The following ACAT1 variants were observed in gnomAD, a reference collection of about 807,000 sequenced individuals.
ACAT1 encodes acetyl-CoA acetyltransferase 1.
A neutral mutation model predicts 47.3 loss-of-function variants in ACAT1; 28 were observed. That is an observed-to-expected ratio of 0.59 (90% confidence interval 0.44 to 0.81). The LOEUF (loss-of-function observed/expected upper bound fraction) is 0.81. Among genes scored for constraint, ACAT1 ranks in the 30% least tolerant of loss-of-function variants. The pLI is 0.00. For synonymous variants in ACAT1, 181 were observed against 173.6 expected (o/e 1.04, Z -0.34); for missense variants, 469 against 524.3 (o/e 0.89, Z 1.03).
chr11:108,143,963 C>CAA lies in ACAT1; in HGVS notation c.941-20_941-19insAA. The CAA allele has an allele frequency of 8.2e-7, 1 of 1,216,684 alleles. No individual in the cohort carries two copies. Among genetic ancestry groups the CAA allele is most frequent in the Non-Finnish European group, 1.2e-6 (1 of 859,226 alleles). 75.4% of individuals were successfully genotyped at this position (1,216,684 alleles called of 1,614,324 possible). A position where few individuals can be genotyped will look rare whatever the true frequency, so the allele number is the denominator to read the frequency against. ...AAAAAAAAAGATTTTAACAACCCCC[C>CAA]CCCCCCTTTTTTTAAACAGCATTTG... On this transcript the variant is annotated intron_variant, in intron 9 of 11. Transcript: ENST00000265838.
chr11:108,119,350 C>T (rs986966171), upstream of ACAT1, among the ~76,000 whole-genome samples: 1 of 152,012 alleles, frequency 6.6e-6, no homozygotes, highest in Non-Finnish European at 1.5e-5. Flanking sequence ...ATCACAGGTG[C>T]CCACTACCAT....
chr11:108,126,791 CTTTTT>C (rs766192283), intron 1 of ACAT1, among the ~76,000 whole-genome samples: 3 of 114,562 alleles, frequency 2.6e-5, no homozygotes, highest in Non-Finnish European at 5.2e-5. Flanking sequence ...AACAGGTTTT[CTTTTT>C]TTTTTTTTTT....
rs5794588 is a variant in ACAT1, at chr11:108,143,957, ACC to A, written c.941-15_941-14del. On this transcript the variant is annotated intron_variant, in intron 9 of 11. Coordinates refer to ENST00000265838, the MANE Select transcript of ACAT1 (RefSeq NM_000019.4). ...CAGTAAAAAAAAAAAGATTTTAACA[ACC>A]CCCCCCCCCCTTTTTTTAAACAGCA... 169,415 of 848,136 alleles carry A rather than the reference ACC, an allele frequency of 0.2. 2,835 individuals are homozygous for A. Among genetic ancestry groups the A allele is most frequent in the East Asian group, 0.29 (7,155 of 24,684 alleles). 52.5% of individuals were successfully genotyped at this position (848,136 alleles called of 1,614,324 possible).
intron 10 of ACAT1, 133 bp downstream of exon 10, chr11:108,144,180 C>A: frequency 2.1e-6 from 2 of 973,676 alleles, no homozygotes; most frequent in Non-Finnish European, 3.2e-6. Context: ...CTTCCCATGT[C>A]TTCTCCTGAA....
At chr11:108,135,955 C>G in intron 5 of ACAT1, 2 of 446,792 alleles carry the variant, frequency 4.5e-6, no homozygotes, top group Non-Finnish European at 7.9e-6. Context: ...GTGCTTAACC[C>G]TGGGAATCAA....
intron 6 of ACAT1, among the ~76,000 whole-genome samples, chr11:108,139,432 A>C (rs35422249): frequency 0.28 from 42,848 of 151,630 alleles, 6,528 homozygotes; most frequent in East Asian, 0.5. Flanking sequence ...CTCTATTAAA[A>C]ATACAAAAAA....
chr11:108,119,939 C>T (rs568018448), upstream of ACAT1, among the ~76,000 whole-genome samples: 2 of 152,156 alleles, frequency 1.3e-5, no homozygotes, highest in Non-Finnish European at 1.5e-5. Context: ...ACCCTGGCCG[C>T]GTGCAGTGGC....
chr11:108,136,130 GAC>G (rs2077463979), intron 5 of ACAT1: 2 of 674,528 alleles, frequency 3.0e-6, no homozygotes. Flanking sequence ...GTGAGACCTG[GAC>G]ACACAGAAGA....
rs934040917 is a variant in ACAT1, at chr11:108,142,823, C to T, written c.940+273C>T. 2.7e-5 allele frequency: 11 copies of T among 412,560 alleles called. No individual in the cohort carries two copies. In the Admixed American group the frequency reaches 3.2e-4, roughly 12 times the overall value. 25.6% of individuals were successfully genotyped at this position (412,560 alleles called of 1,614,324 possible). A position where few individuals can be genotyped will look rare whatever the true frequency, so the allele number is the denominator to read the frequency against. ...CTGCACTCCAGCCTGGGTGACAGAGCGAGACCCTGTCTTAAAAAAAAATAA... is the reference window on the plus strand; with the variant it reads ...CTGCACTCCAGCCTGGGTGACAGAGTGAGACCCTGTCTTAAAAAAAAATAA... On this transcript the variant is annotated intron_variant, in intron 9 of 11. Coordinates refer to ENST00000265838, the MANE Select transcript of ACAT1 (RefSeq NM_000019.4).
intron 9 of ACAT1, chr11:108,143,766 G>C (rs1361629541): frequency 4.8e-6 from 2 of 418,142 alleles, no homozygotes; most frequent in African/African-American, 4.1e-5. Context: ...TGTTCCTAGA[G>C]GCAAATACCC....
At chr11:108,130,556 GCTAA>G (rs1373304089) in intron 1 of ACAT1, among the ~76,000 whole-genome samples, 25 of 151,854 alleles carry the variant, frequency 1.6e-4, no homozygotes, top group Admixed American at 1.2e-3. Context: ...ACCACACCCA[GCTAA>G]CTTTTATATT....
intron 6 of ACAT1, 85 bp from the exon 7 acceptor site, chr11:108,139,980 A>G (rs894410986): frequency 6.8e-7 from 1 of 1,473,824 alleles, no homozygotes; most frequent in Non-Finnish European, 9.3e-7. Context: ...AACGTTAACT[A>G]TTAAACACTA....
chr11:108,117,747 T>C (rs1000218725), upstream of ACAT1, among the ~76,000 whole-genome samples: 4 of 152,220 alleles, frequency 2.6e-5, no homozygotes, highest in African/African-American at 9.6e-5. Flanking sequence ...ATCAAACATC[T>C]TTGTATTATA....
intron 8 of ACAT1, among the ~76,000 whole-genome samples, chr11:108,142,214 T>C (rs1222193368): frequency 6.6e-6 from 1 of 152,228 alleles, no homozygotes; most frequent in Non-Finnish European, 1.5e-5. Flanking sequence ...CCATCATGCA[T>C]GTTTGTGATG....
At position 108,141,646 on chromosome 11, in the gene ACAT1, C is replaced by T. The variant is rs753816946; in HGVS notation, c.772C>T (p.Arg258Cys). Residue 258 changes from arginine to cysteine, a missense_variant, in exon 8 of 12, where the codon CGT becomes TGT. Physicochemically the swap from Arg to Cys is radical, Grantham distance 180 (BLOSUM62 -3). Coordinates refer to ENST00000265838, the MANE Select transcript of ACAT1 (RefSeq NM_000019.4). ...VVVKEDEEYK[R>C]VDFSKVPKLK... The stretch of plus-strand genomic sequence containing the variant: ...GGTGAAAGAAGATGAAGAATATAAA[C>T]GTGTTGATTTTAGCAAAGTTCCAAA... 169 of 1,613,314 alleles carry T rather than the reference C, an allele frequency of 1.0e-4. 2 individuals are homozygous for T. The East Asian group carries it at 2.8e-3, about 27-fold the overall frequency.
At chr11:108,128,160 A>G (rs1380671651) in intron 1 of ACAT1, among the ~76,000 whole-genome samples, 7 of 152,250 alleles carry the variant, frequency 4.6e-5, no homozygotes, top group African/African-American at 1.7e-4. Flanking sequence ...GACATTGCTG[A>G]TGTTGCTCAG....
In ACAT1 at chr11:108,135,689, G is replaced by A. The variant is rs776679430; in HGVS notation, c.435+447G>A. Among the ~76,000 whole-genome samples, 7 of 152,108 alleles carry A rather than the reference G, an allele frequency of 4.6e-5. No homozygotes were observed. In the South Asian group the frequency reaches 8.3e-4, roughly 18 times the overall value. On this transcript the variant is annotated intron_variant, in intron 5 of 11. Coordinates refer to ENST00000265838, the MANE Select transcript of ACAT1 (RefSeq NM_000019.4). ...CTAAAAATACAAAAATTAGCTGGGC[G>A]TGGTGGCAGGTGCCTGTAATTCCAG...
intron 2 of ACAT1, among the ~76,000 whole-genome samples, chr11:108,133,215 C>G (rs2077397305): frequency 6.6e-6 from 1 of 151,996 alleles, no homozygotes; most frequent in Non-Finnish European, 1.5e-5. Flanking sequence ...AATTCTGGCC[C>G]TGGCTCTGTC....
At chr11:108,122,610 G>A (rs1288500751) in intron 1 of ACAT1, among the ~76,000 whole-genome samples, 1 of 152,254 alleles carries the variant, frequency 6.6e-6, no homozygotes, top group Non-Finnish European at 1.5e-5. Context: ...CTGGCGGTAG[G>A]AGCTTTGCAA....
Sources: gnomAD v4.1 joint callset for allele counts (sites outside exome capture counted in the v4.1 genomes callset) on GRCh38, gnomAD v4.1.1 for gene constraint, MANE v1.5 for transcripts, NCBI Gene and HGNC (gene_info 2026-07-23, HGNC 2026-07-21) for gene names.